The following DDAH1 variants were observed in gnomAD, a reference collection of about 807,000 sequenced individuals.
DDAH1 encodes N(G),N(G)-dimethylarginine dimethylaminohydrolase 1.
Under a neutral mutation model 28.8 loss-of-function variants are expected in DDAH1, and 19 were observed. The ratio of observed to expected loss-of-function variants is 0.66; its 90% confidence interval spans 0.46 to 0.97. DDAH1 has a LOEUF of 0.97. Among genes scored for constraint, DDAH1 ranks in the 50% least tolerant of loss-of-function variants. The pLI, the probability that DDAH1 is intolerant of heterozygous loss-of-function variation, is 0.00. For synonymous variants in DDAH1, 153 were observed against 154.4 expected, an observed-to-expected ratio of 0.99 and a Z score of 0.07; for missense variants, 326 against 375.9, an observed-to-expected ratio of 0.87 and a Z score of 1.10.
chr1:85,413,288 G>A (rs1016961207), intron 1 of DDAH1, among the ~76,000 whole-genome samples: 8 of 152,188 alleles, frequency 5.3e-5, no homozygotes, highest in South Asian at 4.1e-4. Context: ...GCCTTAGCAC[G>A]TATTTTTTGC....
intron 1 of DDAH1, among the ~76,000 whole-genome samples, chr1:85,557,942 A>G (rs1012369033): frequency 6.6e-6 from 1 of 152,138 alleles, no homozygotes; most frequent in African/African-American, 2.4e-5. Flanking sequence ...TGAGAAAACT[A>G]GTTTATGTTG....
chr1:85,462,388 C>A (rs778601599), intron 1 of DDAH1, among the ~76,000 whole-genome samples: 2 of 152,076 alleles, frequency 1.3e-5, no homozygotes, highest in Non-Finnish European at 2.9e-5. Flanking sequence ...AGGATCAGAT[C>A]TGAGTTTTTA....
At chr1:85,497,182 T>C (rs1007155447) in intron 1 of DDAH1, among the ~76,000 whole-genome samples, 1 of 152,288 alleles carries the variant, frequency 6.6e-6, no homozygotes, top group South Asian at 2.1e-4. Context: ...AATAACCTGA[T>C]GCACAGTGAT....
At chr1:85,413,536 A>G (rs914514977) in intron 1 of DDAH1, among the ~76,000 whole-genome samples, 2 of 152,258 alleles carry the variant, frequency 1.3e-5, no homozygotes, top group African/African-American at 4.8e-5. Flanking sequence ...CTTCTCCTTC[A>G]TCAAATAAAT....
upstream of DDAH1, among the ~76,000 whole-genome samples, chr1:85,469,402 A>G (rs768567566): frequency 6.6e-6 from 1 of 152,240 alleles, no homozygotes; most frequent in Non-Finnish European, 1.5e-5. Flanking sequence ...GATTTTAGAC[A>G]TGTTACTTAA....
At chr1:85,423,524 T>A (rs1477824814) in intron 1 of DDAH1, among the ~76,000 whole-genome samples, 1 of 152,062 alleles carries the variant, frequency 6.6e-6, no homozygotes, top group African/African-American at 2.4e-5. Flanking sequence ...GCTTCCTCCC[T>A]CCCTCCCTTC....
chr1:85,431,775 C>T (rs150420668), intron 1 of DDAH1, among the ~76,000 whole-genome samples: 10 of 152,178 alleles, frequency 6.6e-5, no homozygotes, highest in Admixed American at 4.6e-4. Flanking sequence ...ATATTCCTTA[C>T]ATATATTTAT....
At chr1:85,342,117 G>A (rs1042106723) in intron 4 of DDAH1, among the ~76,000 whole-genome samples, 1 of 152,116 alleles carries the variant, frequency 6.6e-6, no homozygotes, top group Non-Finnish European at 1.5e-5. Context: ...AAGAGAACGA[G>A]TATAGGAGAT....
chr1:85,441,021 A>G (rs1380070095), intron 1 of DDAH1, among the ~76,000 whole-genome samples: 1 of 152,232 alleles, frequency 6.6e-6, no homozygotes, highest in Non-Finnish European at 1.5e-5. Context: ...CAACTTCTAA[A>G]TAAAGTGGCA....
At chr1:85,532,216 C>A (rs1658115075) in intron 1 of DDAH1, among the ~76,000 whole-genome samples, 1 of 151,680 alleles carries the variant, frequency 6.6e-6, no homozygotes, top group African/African-American at 2.4e-5. Flanking sequence ...TGTCCATCTG[C>A]ACTCTTGATT....
rs1409367196 is a variant in DDAH1 at position 85,355,707 on chromosome 1, A to G, written c.403+3041T>C. 5.9e-5 allele frequency among the ~76,000 whole-genome samples: 9 copies of G among 152,206 alleles called. No homozygotes were observed. In the East Asian group the frequency reaches 1.3e-3, roughly 23 times the overall value. ...AGGAGACACACACAAGAATGTACAT[A>G]GAAACACAGAAGATAATCCACAAAA... is the stretch of plus-strand genomic sequence containing the variant. On this transcript the variant is annotated intron_variant, in intron 2 of 5. Coordinates refer to ENST00000284031, the MANE Select transcript of DDAH1 (RefSeq NM_012137.4).
intron 1 of DDAH1, among the ~76,000 whole-genome samples, chr1:85,370,905 T>C (rs528033863): frequency 4.6e-5 from 7 of 151,762 alleles, no homozygotes; most frequent in African/African-American, 1.7e-4. Context: ...TCAAGGGGAG[T>C]AGTCAGAACC....
chr1:85,516,912 C>A (rs112827813), intron 1 of DDAH1, among the ~76,000 whole-genome samples: 230 of 152,292 alleles, frequency 1.5e-3, no homozygotes, highest in African/African-American at 5.3e-3. Flanking sequence ...TTACAAATAA[C>A]TTGAAATGCC....
intron 4 of DDAH1, among the ~76,000 whole-genome samples, chr1:85,329,136 A>G (rs18582): frequency 0.35 from 53,583 of 152,084 alleles, 9,535 homozygotes; most frequent in South Asian, 0.4. Context: ...CTACAAAGCA[A>G]AAGCATGGAA....
intron 4 of DDAH1, among the ~76,000 whole-genome samples, chr1:85,328,747 C>A (rs2100796221): frequency 6.6e-6 from 1 of 152,312 alleles, no homozygotes; most frequent in Admixed American, 6.5e-5. Context: ...TATACACAAC[C>A]ACTGCTACCT....
chr1:85,354,081 A>G (rs759319917), intron 2 of DDAH1, among the ~76,000 whole-genome samples: 4 of 152,160 alleles, frequency 2.6e-5, no homozygotes, highest in Non-Finnish European at 4.4e-5. Flanking sequence ...GATGGAAACA[A>G]CTAAAATACT....
intron 1 of DDAH1, among the ~76,000 whole-genome samples, chr1:85,512,316 C>T (rs1657273860): frequency 6.6e-6 from 1 of 152,182 alleles, no homozygotes; most frequent in Non-Finnish European, 1.5e-5. Flanking sequence ...ATGCTAAAAA[C>T]TCTCAATAAA....
At chr1:85,506,039 A>C (rs1409429887) in intron 1 of DDAH1, among the ~76,000 whole-genome samples, 1 of 152,220 alleles carries the variant, frequency 6.6e-6, no homozygotes, top group African/African-American at 2.4e-5. Flanking sequence ...TGTGGCTATT[A>C]ATCATGAGGA....
intron 1 of DDAH1, among the ~76,000 whole-genome samples, chr1:85,459,959 C>T (rs563515544): frequency 5.9e-5 from 9 of 152,130 alleles, no homozygotes; most frequent in Admixed American, 2.0e-4. Flanking sequence ...TAGGATTAAC[C>T]GCAACTGGCA....
Sources: allele counts gnomAD v4.1 joint callset (sites outside exome capture counted in the v4.1 genomes callset), GRCh38; gene constraint gnomAD v4.1.1; transcripts MANE v1.5; gene names NCBI Gene and HGNC (gene_info 2026-07-23, HGNC 2026-07-21).